Variants in FREM1 observed in about 807,000 individuals in gnomAD.
The protein encoded by FREM1 is FRAS1-related extracellular matrix protein 1.
In FREM1, 220 loss-of-function variants were observed where a neutral mutation model predicts 210.1. That is an observed-to-expected ratio of 1.05 (90% CI 0.94 to 1.17). The LOEUF is 1.17. Ranked by LOEUF, FREM1 falls within the 50% of genes most tolerant of loss-of-function variation. The probability of loss-of-function intolerance (pLI) is 0.00; values close to 1 mark genes in which losing one functional copy is unlikely to be tolerated. For synonymous variants in FREM1, 1,189 were observed against 980.2 expected, an observed-to-expected ratio of 1.21 and a Z score of -3.98; for missense variants, 3,454 against 2,675.5, an observed-to-expected ratio of 1.29 and a Z score of -6.42.
At chr9:14,825,547 G>GTGTGTGTGTGTGTGTGTATA in intron 10 of FREM1, among the ~76,000 whole-genome samples, 192 of 75,894 alleles carry the variant, frequency 2.5e-3, no homozygotes, top group Non-Finnish European at 3.9e-3. Flanking sequence ...GTGTGTGTGT[G>GTGTGTGTGTGTGTGTGTATA]TATATATATA....
intron 24 of FREM1, chr9:14,782,359 G>A (rs1474170943): frequency 7.1e-6 from 7 of 982,472 alleles, no homozygotes; most frequent in Non-Finnish European, 8.5e-6. Flanking sequence ...CTCACCATTC[G>A]ATTAATATCT....
At chr9:14,769,932 A>C (rs1470895608) in intron 26 of FREM1, 64 bp from the exon 27 acceptor site, 1 of 786,120 alleles carries the variant, frequency 1.3e-6, no homozygotes, top group Non-Finnish European at 2.0e-6. Context: ...AAGCTAATAA[A>C]ATTGTATGGC....
chr9:14,892,285 A>G (rs1325460065), intron 1 of FREM1, among the ~76,000 whole-genome samples: 2 of 152,154 alleles, frequency 1.3e-5, no homozygotes, highest in East Asian at 1.9e-4. Flanking sequence ...TTCCAACCCA[A>G]AGGAAAATCA....
Position 14,859,501 on chromosome 9 carries a change from G to T in FREM1, c.330-17C>A. 6.3e-7 allele frequency: 1 copy of T among 1,595,992 alleles called. No individual in the cohort carries two copies. The highest frequency in any genetic ancestry group is 1.3e-5 in the African/African-American group (1 of 74,532). On this transcript the variant is annotated splice_polypyrimidine_tract_variant and intron_variant, in intron 3 of 36. Coordinates refer to ENST00000380880, the MANE Select transcript of FREM1 (RefSeq NM_001379081.2). Reference sequence around the variant, plus strand: ...TCAGTAAATCTGTGGAGAACACAGGGCAAAAGCAATATTAATTGGTGCTCA... The same window carrying T: ...TCAGTAAATCTGTGGAGAACACAGGTCAAAAGCAATATTAATTGGTGCTCA...
chr9:14,825,531 A>ATG (rs1205301480), intron 10 of FREM1, among the ~76,000 whole-genome samples: 3,351 of 54,322 alleles, frequency 0.062, 293 homozygotes, highest in African/African-American at 0.14. Flanking sequence ...ACATATATAT[A>ATG]TATATGTGTG....
chr9:14,872,379 T>C (rs1832840423), intron 1 of FREM1, among the ~76,000 whole-genome samples: 1 of 152,160 alleles, frequency 6.6e-6, no homozygotes, highest in Non-Finnish European at 1.5e-5. Flanking sequence ...GAAGAGGTCC[T>C]TCAGGTCCCT....
intron 1 of FREM1, among the ~76,000 whole-genome samples, chr9:14,877,697 T>C (rs902132675): frequency 6.6e-6 from 1 of 151,992 alleles, no homozygotes; most frequent in African/African-American, 2.4e-5. Flanking sequence ...AGGAAATGAA[T>C]CCTGCCAACA....
At chr9:14,798,133 C>T (rs1852793091) in intron 20 of FREM1, among the ~76,000 whole-genome samples, 1 of 151,912 alleles carries the variant, frequency 6.6e-6, no homozygotes, top group South Asian at 2.1e-4. Context: ...AAATTGGAAG[C>T]CTAACATTTC....
In FREM1 at chr9:14,761,458, T is replaced by TA. The variant is rs573932426; in HGVS notation, c.5205-1558dup. Reference sequence around the variant, plus strand: ...AAACAAGAAAAGAGGATCCTTGTATTAAAAAAATTGGAAACTTTATGGGTC... The same window carrying TA: ...AAACAAGAAAAGAGGATCCTTGTATTAAAAAAAATTGGAAACTTTATGGGTC... On this transcript the variant is annotated intron_variant, in intron 27 of 36. Coordinates refer to ENST00000380880, the MANE Select transcript of FREM1 (RefSeq NM_001379081.2). Among the ~76,000 whole-genome samples the TA allele has an allele frequency of 3.5e-3, 535 of 152,274 alleles. 2 individuals are homozygous for TA. Among genetic ancestry groups the TA allele is most frequent in the African/African-American group, 0.012 (502 of 41,552 alleles).
chr9:14,877,617 C>T (rs962393089), intron 1 of FREM1, among the ~76,000 whole-genome samples: 3 of 152,008 alleles, frequency 2.0e-5, no homozygotes, highest in South Asian at 2.1e-4. Context: ...GAGACTCTCT[C>T]GGCAGACTGG....
chr9:14,808,332 G>A (rs971001775), intron 16 of FREM1, among the ~76,000 whole-genome samples, 198 bp from the exon 17 acceptor site: 2 of 152,160 alleles, frequency 1.3e-5, no homozygotes, highest in African/African-American at 4.8e-5. Flanking sequence ...TTGCCCATCT[G>A]TTGCCTCTGG....
At chr9:14,815,384 G>C (rs1306153965) in intron 15 of FREM1, among the ~76,000 whole-genome samples, 2 of 152,100 alleles carry the variant, frequency 1.3e-5, no homozygotes, top group Non-Finnish European at 2.9e-5. Flanking sequence ...TCCTTTATTA[G>C]TTACTAAAAT....
intron 24 of FREM1, among the ~76,000 whole-genome samples, chr9:14,779,250 C>G (rs181829309): frequency 6.6e-6 from 1 of 152,318 alleles, no homozygotes; most frequent in African/African-American, 2.4e-5. Flanking sequence ...CTTACCAGAT[C>G]CCTGTATCAA....
intron 1 of FREM1, among the ~76,000 whole-genome samples, chr9:14,872,237 G>T (rs1832812676): frequency 6.6e-6 from 1 of 152,226 alleles, no homozygotes; most frequent in Non-Finnish European, 1.5e-5. Context: ...GTATGGCATT[G>T]AATCTATAAA....
At chr9:14,750,826 G>A (rs1223501335) in intron 29 of FREM1, among the ~76,000 whole-genome samples, 2 of 152,122 alleles carry the variant, frequency 1.3e-5, no homozygotes, top group African/African-American at 2.4e-5. Flanking sequence ...TCAGTAGTTT[G>A]ATATCCTCCT....
rs1462401598 is a variant in FREM1, at chr9:14,812,697, T to A, written c.2893+115A>T. 4.6e-6 allele frequency: 5 copies of A among 1,084,942 alleles called. No homozygotes were observed. In the East Asian group the frequency reaches 1.2e-4, roughly 27 times the overall value. The allele number at this position is 1,084,942 out of a possible 1,614,324, so 67.2% of individuals were successfully genotyped here. On this transcript the variant is annotated intron_variant, in intron 16 of 36. Coordinates refer to ENST00000380880, the MANE Select transcript of FREM1 (RefSeq NM_001379081.2). Reference sequence around the variant, plus strand: ...AAATGGAGGCCAGGCTGCAGCTGCTTCTTGTTTTTAATGGAAGTAACCATT... The same window carrying A: ...AAATGGAGGCCAGGCTGCAGCTGCTACTTGTTTTTAATGGAAGTAACCATT...
intron 10 of FREM1, among the ~76,000 whole-genome samples, chr9:14,839,045 C>G (rs1337925386): frequency 6.6e-6 from 1 of 152,180 alleles, no homozygotes; most frequent in African/African-American, 2.4e-5. Flanking sequence ...ACTAAGAATA[C>G]TGCTACTATA....
chr9:14,773,182 T>A (rs569799343), intron 25 of FREM1, among the ~76,000 whole-genome samples: 5 of 152,294 alleles, frequency 3.3e-5, no homozygotes, highest in African/African-American at 1.2e-4. Context: ...GCATCACATT[T>A]TTCTCGCTCA....
In FREM1 at chr9:14,860,864, C is replaced by CGTATATATACATATATACGTAT. The variant is rs1248329492; in HGVS notation, c.330-1381_330-1380insATACGTATATATGTATATATAC. ...ATATACATATATACGTATATATACA[C>CGTATATATACATATATACGTAT]ATATATATACGTATATATACACATA... On this transcript the variant is annotated intron_variant, in intron 3 of 36. Coordinates refer to ENST00000380880, the MANE Select transcript of FREM1 (RefSeq NM_001379081.2). Among the ~76,000 whole-genome samples, 3 of 49,854 alleles carry CGTATATATACATATATACGTAT rather than the reference C, an allele frequency of 6.0e-5. 1 individual carries two copies. The highest frequency in any genetic ancestry group is 4.5e-4 in the South Asian group (1 of 2,246). The allele number at this position is 49,854 out of a possible 152,430, so 32.7% of individuals were successfully genotyped here.
Sources: allele counts gnomAD v4.1 joint callset (sites outside exome capture counted in the v4.1 genomes callset), GRCh38; gene constraint gnomAD v4.1.1; transcripts MANE v1.5; gene names NCBI Gene and HGNC (gene_info 2026-07-23, HGNC 2026-07-21).